Variants in ANKRD18B observed in about 807,000 individuals in gnomAD.
ANKRD18B encodes ankyrin repeat domain 18B.
A neutral mutation model predicts 111.8 loss-of-function variants in ANKRD18B; 75 were observed. The ratio of observed to expected loss-of-function variants is 0.67; its 90% CI spans 0.56 to 0.81. The LOEUF (loss-of-function observed/expected upper bound fraction) is 0.81. ANKRD18B is among the 40% of genes least tolerant of loss of function. The pLI is 0.00. For synonymous variants in ANKRD18B, 356 were observed against 417.3 expected, an observed-to-expected ratio of 0.85 and a Z score of 1.79; for missense variants, 1,038 against 1,225.5, an observed-to-expected ratio of 0.85 and a Z score of 2.28.
intron 6 of ANKRD18B, among the ~76,000 whole-genome samples, chr9:33,539,063 AT>A (rs1433575571): frequency 6.6e-6 from 1 of 152,214 alleles, no homozygotes; most frequent in Non-Finnish European, 1.5e-5. Context: ...TAAGAAAAAT[AT>A]TTTAATTCAT....
At position 33,568,737 on chromosome 9, in the gene ANKRD18B, T is replaced by G. The variant is rs1828723473; in HGVS notation, c.3021T>G (p.Phe1007Leu). The change falls in exon 17 of 19, where the codon TTT becomes TTG. Residue 1007 changes from phenylalanine (F) to leucine (L), a missense_variant. This residue lies in a region of ANKRD18B where 524 missense variants were observed against 677.9 expected (regional missense o/e 0.77). Coordinates refer to ENST00000684830, the MANE Select transcript of ANKRD18B (RefSeq NM_001393611.1). ...LFMEKERMEY[F>L]LSTLPMRPDP... ...TGGAGAAAGAGCGGATGGAATATTT[T>G]CTCAGCACTCTTCCTATGAGGCCAG... 24 of 1,551,424 alleles carry G rather than the reference T, an allele frequency of 1.5e-5. No homozygotes were observed. The highest frequency in any genetic ancestry group is 2.1e-5 in the Non-Finnish European group (24 of 1,146,760).
chr9:33,568,173 G>A (rs1178014681), intron 16 of ANKRD18B, among the ~76,000 whole-genome samples: 1 of 152,194 alleles, frequency 6.6e-6, no homozygotes, highest in Non-Finnish European at 1.5e-5. Flanking sequence ...CTAAACACAA[G>A]TATTTCTAGA....
chr9:33,566,963 T>A (rs1171077314), intron 15 of ANKRD18B, 140 bp from the exon 16 acceptor site: 28 of 765,994 alleles, frequency 3.7e-5, no homozygotes, highest in Non-Finnish European at 4.2e-5. Context: ...TTGATATTGC[T>A]GATAAATATT....
At chr9:33,528,013 C>T (rs1487610760) in intron 1 of ANKRD18B, among the ~76,000 whole-genome samples, 3 of 152,142 alleles carry the variant, frequency 2.0e-5, no homozygotes, top group Non-Finnish European at 4.4e-5. Flanking sequence ...ATAATTATAA[C>T]GTCTGGCTGG....
At chr9:33,536,972 A>T (rs934229960) in intron 6 of ANKRD18B, 27 bp downstream of exon 6, 16 of 1,440,242 alleles carry the variant, frequency 1.1e-5, no homozygotes, top group Non-Finnish European at 1.4e-5. Flanking sequence ...TAAATTTCTC[A>T]TTTCCCTTGG....
chr9:33,561,616 CA>C (rs779210603), intron 14 of ANKRD18B, among the ~76,000 whole-genome samples: 4 of 152,152 alleles, frequency 2.6e-5, no homozygotes, highest in Non-Finnish European at 5.9e-5. Flanking sequence ...AGATTTATGC[CA>C]ACGTTTTCTT....
Position 33,527,893 on chromosome 9 carries a change from C to G in ANKRD18B, c.207-834C>G, listed in dbSNP as rs58514045. Among the ~76,000 whole-genome samples, 661 of 152,310 alleles carry G rather than the reference C, an allele frequency of 4.3e-3. 3 individuals carry two copies. The highest frequency in any genetic ancestry group is 0.015 in the African/African-American group (622 of 41,556). On this transcript the variant is annotated intron_variant, in intron 1 of 18. Transcript: ENST00000684830. ...AAAAAATTATGAATTGTAAATACCG[C>G]TCCAATATGAGATATGCTAAAATGT...
chr9:33,556,109 G>A (rs146450414), intron 13 of ANKRD18B, among the ~76,000 whole-genome samples: 1,603 of 152,200 alleles, frequency 0.011, 28 homozygotes, highest in African/African-American at 0.036. Context: ...ATGTGTCATA[G>A]AGTCCAATGG....
chr9:33,568,209 T>C (rs1828715572), intron 16 of ANKRD18B, among the ~76,000 whole-genome samples: 1 of 152,264 alleles, frequency 6.6e-6, no homozygotes, highest in South Asian at 2.1e-4. Flanking sequence ...TTAGTTTCCT[T>C]AATCTACATT....
At position 33,550,488 on chromosome 9, in the gene ANKRD18B, C is replaced by G; in HGVS notation, c.2126C>G (p.Ser709Ter). ...GATCATCTTAAAAAATTTTCAATGTCAGAGTCTCCACTGGAAGGTACATCA... is the reference window on the plus strand; with the variant it reads ...GATCATCTTAAAAAATTTTCAATGTGAGAGTCTCCACTGGAAGGTACATCA... ...LVDHLKKFSMSESPLEGTSHC... is the reference protein window; with the variant it reads ...LVDHLKKFSM The change falls in exon 12 of 19, where the codon TCA becomes TGA. Residue 709 changes from serine to a stop codon, truncating the protein, a stop_gained. Transcript: ENST00000684830. LOFTEE classifies it high-confidence loss of function. The G allele has an allele frequency of 6.5e-7, 1 of 1,548,114 alleles. No individual in the cohort carries two copies. Among genetic ancestry groups the G allele is most frequent in the East Asian group, 2.5e-5 (1 of 40,756 alleles).
intron 15 of ANKRD18B, chr9:33,566,827 G>T (rs901680173): frequency 2.4e-6 from 1 of 410,490 alleles, no homozygotes; most frequent in East Asian, 4.9e-5. Context: ...GTTGTTCATT[G>T]TTCACTTTTT....
In ANKRD18B at chr9:33,524,387, G is replaced by C; in HGVS notation, c.-103G>C. The stretch of plus-strand genomic sequence containing the variant: ...CTTGGATTTAGGGGTGGATCGCTGG[G>C]TGGGGAGGGGGATCTCGAATTTGGA... On this transcript the variant is annotated 5_prime_UTR_variant, in exon 1 of 19. Transcript: ENST00000684830. 1.2e-5 allele frequency: 9 copies of C among 760,908 alleles called. No homozygotes were observed. Among genetic ancestry groups the C allele is most frequent in the Non-Finnish European group, 1.7e-5 (9 of 531,220 alleles). The allele number at this position is 760,908 out of a possible 1,614,324, so 47.1% of individuals were successfully genotyped here.
chr9:33,569,113 T>A (rs1433642046), intron 17 of ANKRD18B: 5 of 431,784 alleles, frequency 1.2e-5, no homozygotes. Context: ...ATTCAATAAA[T>A]GTGGTTAAAC....
At chr9:33,538,572 C>T (rs1828234228) in intron 6 of ANKRD18B, among the ~76,000 whole-genome samples, 1 of 152,050 alleles carries the variant, frequency 6.6e-6, no homozygotes. Context: ...CCTATCTCTA[C>T]TAAAAGTACA....
At position 33,540,726 on chromosome 9, in the gene ANKRD18B, G is replaced by A. The variant is rs536792821; in HGVS notation, c.998-421G>A. On this transcript the variant is annotated intron_variant, in intron 8 of 18. Transcript: ENST00000684830. ...TGTGGTCTCTCTCTCTCTTTTTCAA[G>A]AACGATTTAAGCAGCTGAAGGCCAT... is the stretch of plus-strand genomic sequence containing the variant. Among the ~76,000 whole-genome samples, 56 of 152,124 alleles carry A rather than the reference G, an allele frequency of 3.7e-4. 1 individual carries two copies. Among genetic ancestry groups the A allele is most frequent in the African/African-American group, 1.3e-3 (54 of 41,510 alleles).
intron 5 of ANKRD18B, 24 bp from the exon 6 acceptor site, chr9:33,536,854 T>A: frequency 7.4e-7 from 1 of 1,344,424 alleles, no homozygotes; most frequent in Non-Finnish European, 1.0e-6. Flanking sequence ...AAAATACTAA[T>A]TTTATTACAT....
chr9:33,548,459 A>G lies in ANKRD18B; in HGVS notation c.1671A>G (p.Leu557=). 1.9e-6 allele frequency: 3 copies of G among 1,551,334 alleles called. No individual in the cohort carries two copies. The highest frequency in any genetic ancestry group is 2.6e-6 in the Non-Finnish European group (3 of 1,146,676). ...AAGCTCGGGTGAAGTTCAATACCTTAAAAGGTAAGCTCCGTGAGACAAGAG... is the reference window on the plus strand; with the variant it reads ...AAGCTCGGGTGAAGTTCAATACCTTGAAAGGTAAGCTCCGTGAGACAAGAG... ...VHKARVKFNT[L]KGKLRETRDA... The change falls in exon 11 of 19, where the codon TTA becomes TTG. Residue 557 remains leucine (L), a synonymous_variant. Transcript: ENST00000684830.
intron 6 of ANKRD18B, among the ~76,000 whole-genome samples, chr9:33,537,717 GT>G (rs1828222294): frequency 6.6e-6 from 1 of 152,116 alleles, no homozygotes; most frequent in African/African-American, 2.4e-5. Context: ...GAAAATCTGA[GT>G]ATAACTTTGA....
intron 8 of ANKRD18B, among the ~76,000 whole-genome samples, chr9:33,540,801 T>A (rs1274953955): frequency 1.3e-5 from 2 of 152,072 alleles, no homozygotes; most frequent in East Asian, 3.8e-4. Context: ...GTGAAAGCCG[T>A]CATAGGTAGC....
Sources: gnomAD v4.1 joint callset for allele counts (sites outside exome capture counted in the v4.1 genomes callset) on GRCh38, gnomAD v4.1.1 for gene constraint, gnomAD v4.1.1 regional missense constraint, MANE v1.5 for transcripts, NCBI Gene and HGNC (gene_info 2026-07-23, HGNC 2026-07-21) for gene names.